Variants in ZNF148 observed in about 807,000 individuals in gnomAD.
ZNF148 encodes the protein Beta-Enolase Repressor Factor-1.
A neutral mutation model predicts 67.7 loss-of-function variants in ZNF148; 7 were observed. That is an observed-to-expected ratio of 0.10 (90% CI 0.06 to 0.19). The LOEUF is 0.19. ZNF148 is among the 10% of genes least tolerant of loss of function. The probability of loss-of-function intolerance (pLI) is 1.00; values close to 1 mark genes in which losing one functional copy is unlikely to be tolerated. For missense variants in ZNF148, 583 were observed against 947.1 expected (o/e 0.62, Z 5.05); for synonymous variants, 333 against 330.7 (o/e 1.01, Z -0.08).
chr3:125,248,206 G>T (rs184839713), intron 7 of ZNF148, among the ~76,000 whole-genome samples: 38 of 152,290 alleles, frequency 2.5e-4, no homozygotes, highest in Non-Finnish European at 4.3e-4. Context: ...ACACAAATGA[G>T]TTAGAATCCC....
intron 1 of ZNF148, among the ~76,000 whole-genome samples, chr3:125,342,824 T>C (rs576142445): frequency 9.9e-5 from 15 of 152,136 alleles, no homozygotes; most frequent in Non-Finnish European, 2.1e-4. Flanking sequence ...ACAATTATAT[T>C]TAAAATTGGA....
At position 125,323,853 on chromosome 3, in the gene ZNF148, G is replaced by A. The variant is rs777162348; in HGVS notation, c.-152-409C>T. On this transcript the variant is annotated intron_variant, in intron 2 of 8. Coordinates refer to ENST00000360647, the MANE Select transcript of ZNF148 (RefSeq NM_021964.3). ...CCGGCGCCTGTAATCCCAGCTACTC[G>A]GAGGCTGAGGCAGGAGAATGGCGTG... Among the ~76,000 whole-genome samples the A allele has an allele frequency of 1.3e-4, 20 of 151,870 alleles. 1 individual carries two copies. The highest frequency in any genetic ancestry group is 1.2e-4 in the African/African-American group (5 of 41,324).
At chr3:125,240,385 T>C (rs1215237327) in intron 7 of ZNF148, among the ~76,000 whole-genome samples, 1 of 152,176 alleles carries the variant, frequency 6.6e-6, no homozygotes, top group Non-Finnish European at 1.5e-5. Flanking sequence ...AGAAAACCCA[T>C]GTTTAAATTA....
Position 125,344,258 on chromosome 3 carries a change from T to C in ZNF148, c.-233-13020A>G, listed in dbSNP as rs1941851296. On this transcript the variant is annotated intron_variant, in intron 1 of 8. Coordinates refer to ENST00000360647, the MANE Select transcript of ZNF148 (RefSeq NM_021964.3). ...ATCAATTTGGAAGTGCCCATCCCAC[T>C]ACCACCAAACGACACGAAAGAGAAT... The C allele has an allele frequency of 1.0e-5, 4 of 397,030 alleles. No homozygotes were observed. The South Asian group carries it at 1.0e-4, about 10-fold the overall frequency. The allele number at this position is 397,030 out of a possible 1,614,324, so 24.6% of individuals were successfully genotyped here.
In ZNF148 at chr3:125,313,359, C is replaced by T; in HGVS notation, c.282G>A (p.Met94Ile). Residue 94 changes from methionine (M) to isoleucine (I), a missense_variant, in exon 4 of 9, where the codon ATG (methionine) becomes ATA (isoleucine). By Grantham distance (10) the Met-to-Ile change is conservative. This residue lies in a region of ZNF148 where 150 missense variants were observed against 202.5 expected (regional missense o/e 0.74). Coordinates refer to ENST00000360647, the MANE Select transcript of ZNF148 (RefSeq NM_021964.3). ...EETVKNDEEQ[M>I]ETHERLPQGL... ...CTTGAGGAAGTCTTTCATGTGTTTC[C>T]ATCTGCTCTTCATCATTTTTCACTG... 6.2e-7 allele frequency: 1 copy of T among 1,613,954 alleles called. No individual in the cohort carries two copies. The highest frequency in any genetic ancestry group is 8.5e-7 in the Non-Finnish European group (1 of 1,179,932).
intron 3 of ZNF148, among the ~76,000 whole-genome samples, chr3:125,318,963 C>T (rs1318872008): frequency 6.6e-6 from 1 of 152,112 alleles, no homozygotes; most frequent in Non-Finnish European, 1.5e-5. Context: ...CACAACACAA[C>T]TTCCAGTTCC....
At chr3:125,295,049 A>G (rs1939210635) in intron 4 of ZNF148, among the ~76,000 whole-genome samples, 1 of 152,250 alleles carries the variant, frequency 6.6e-6, no homozygotes, top group South Asian at 2.1e-4. Context: ...TTTTATAGAA[A>G]CATACTGTAT....
intron 3 of ZNF148, among the ~76,000 whole-genome samples, chr3:125,317,372 G>A (rs1237850372): frequency 6.6e-6 from 1 of 152,054 alleles, no homozygotes; most frequent in Admixed American, 6.5e-5. Context: ...CTCACTGCTA[G>A]GGATATACAG....
rs1935963159 is a variant in ZNF148 at position 125,233,825 on chromosome 3, A to T, written c.901T>A (p.Ser301Thr). The T allele has an allele frequency of 1.9e-6, 3 of 1,613,632 alleles. No homozygotes were observed. Among genetic ancestry groups the T allele is most frequent in the African/African-American group, 2.7e-5 (2 of 74,874 alleles). ...TCTTTTGGTGATGTAGAAAAGCCAG[A>T]ATCTTCCTCAGATGTCAGAAGGCCA... ...KGGLLTSEED[S>T]GFSTSPKDNS... Residue 301 changes from serine to threonine, a missense_variant, in exon 9 of 9, where the codon TCT becomes ACT. Transcript: ENST00000360647. This position sits in a 1 kb window ranked among gnomAD's most constrained non-coding sequence, Gnocchi z 5.1.
At chr3:125,263,713 A>T (rs1439703195) in intron 7 of ZNF148, among the ~76,000 whole-genome samples, 2 of 152,092 alleles carry the variant, frequency 1.3e-5, no homozygotes, top group East Asian at 1.9e-4. Flanking sequence ...AAATCCTTTC[A>T]ATTTCCTGAG....
At chr3:125,261,384 AAC>A (rs1187631796) in intron 7 of ZNF148, among the ~76,000 whole-genome samples, 1 of 152,144 alleles carries the variant, frequency 6.6e-6, no homozygotes, top group Non-Finnish European at 1.5e-5. Context: ...CTGTTGGAGT[AAC>A]ACAGTCAGGT....
intron 7 of ZNF148, among the ~76,000 whole-genome samples, chr3:125,268,120 A>C (rs1937576874): frequency 6.6e-6 from 1 of 152,026 alleles, no homozygotes; most frequent in African/African-American, 2.4e-5. Flanking sequence ...AGAATCAATA[A>C]CATTAAAATT....
At chr3:125,287,488 A>C (rs761883630) in intron 5 of ZNF148, among the ~76,000 whole-genome samples, 14 of 152,116 alleles carry the variant, frequency 9.2e-5, no homozygotes, top group Non-Finnish European at 1.6e-4. Flanking sequence ...GAAATTCAAA[A>C]ATTAGCCAGG....
chr3:125,263,490 G>A (rs1430740198), intron 7 of ZNF148, among the ~76,000 whole-genome samples: 1 of 151,704 alleles, frequency 6.6e-6, no homozygotes, highest in Non-Finnish European at 1.5e-5. Flanking sequence ...GACTGAGGTT[G>A]CAGTGAGCCA....
chr3:125,313,327 T>C lies in ZNF148; in HGVS notation c.314A>G (p.Gln105Arg). Reference protein sequence around the residue: ...ETHERLPQGLQYALNVPISVK... With the variant: ...ETHERLPQGLRYALNVPISVK... Reference sequence around the variant, plus strand: ...ACTTACAGGGACATTAAGTGCATACTGTAGTCCTTGAGGAAGTCTTTCATG... The same window carrying C: ...ACTTACAGGGACATTAAGTGCATACCGTAGTCCTTGAGGAAGTCTTTCATG... Residue 105 changes from glutamine to arginine, a missense_variant, in exon 4 of 9, where the codon CAG becomes CGG. Coordinates refer to ENST00000360647, the MANE Select transcript of ZNF148 (RefSeq NM_021964.3). 1 of 1,613,266 alleles carries C rather than the reference T, an allele frequency of 6.2e-7. No homozygotes were observed. Among genetic ancestry groups the C allele is most frequent in the East Asian group, 2.2e-5 (1 of 44,868 alleles).
intron 7 of ZNF148, among the ~76,000 whole-genome samples, chr3:125,241,478 T>C (rs1311060358): frequency 6.6e-6 from 1 of 152,146 alleles, no homozygotes; most frequent in East Asian, 1.9e-4. Context: ...TACATAATCT[T>C]TTCTACTTTT....
chr3:125,291,338 TATTC>T (rs1939001425), intron 4 of ZNF148, among the ~76,000 whole-genome samples: 2 of 152,252 alleles, frequency 1.3e-5, no homozygotes, highest in African/African-American at 2.4e-5. Context: ...TTGCCTATAG[TATTC>T]ATTATCAGCT....
chr3:125,232,067 T>G lies in ZNF148; in HGVS notation c.*274A>C, dbSNP rs1935875302. On this transcript the variant is annotated 3_prime_UTR_variant, in exon 9 of 9. Transcript: ENST00000360647. This position sits in a 1 kb window ranked among gnomAD's most constrained non-coding sequence, Gnocchi z 4.2. The stretch of plus-strand genomic sequence containing the variant: ...ACAATTGTGCGAAAGTCTTTTTTTT[T>G]TCCTTTTTAACTTGGTGTGGGTGGA... 3.1e-6 allele frequency: 1 copy of G among 319,428 alleles called. No individual in the cohort carries two copies. Among genetic ancestry groups the G allele is most frequent in the East Asian group, 5.0e-5 (1 of 19,846 alleles). 19.8% of individuals were successfully genotyped at this position (319,428 alleles called of 1,614,324 possible).
chr3:125,342,298 C>T lies in ZNF148; in HGVS notation c.-233-11060G>A, dbSNP rs75883671. Among the ~76,000 whole-genome samples the T allele has an allele frequency of 5.4e-3, 820 of 151,296 alleles. 6 individuals are homozygous for T. Among genetic ancestry groups the T allele is most frequent in the African/African-American group, 0.019 (770 of 41,226 alleles). On this transcript the variant is annotated intron_variant, in intron 1 of 8. Transcript: ENST00000360647. The stretch of plus-strand genomic sequence containing the variant: ...GCAAATACAAAGAGGATAAGCCTAA[C>T]GAAATTCACTCTAACATCATAATTA...
Sources: allele counts gnomAD v4.1 joint callset (sites outside exome capture counted in the v4.1 genomes callset), GRCh38; gene constraint gnomAD v4.1.1; regional missense constraint gnomAD v4.1.1; non-coding constraint Gnocchi (gnomAD v3.1); transcripts MANE v1.5; gene names NCBI Gene and HGNC (gene_info 2026-07-23, HGNC 2026-07-21).